The following RAB40B variants were observed in gnomAD, a reference collection of about 807,000 sequenced individuals.
RAB40B encodes RAB40B, member RAS oncogene family, also known as ras-related protein Rab-40B.
Under a neutral mutation model 24.0 loss-of-function variants are expected in RAB40B, and 21 were observed. The observed-to-expected ratio is 0.88, with a 90% CI of 0.62 to 1.26. The LOEUF (loss-of-function observed/expected upper bound fraction) is 1.26, where lower values mean the gene tolerates loss of function less well. Among genes scored for constraint, RAB40B ranks in the 50% most tolerant of loss-of-function variants. The pLI, the probability that RAB40B is intolerant of heterozygous loss-of-function variation, is 0.00. For missense variants in RAB40B, 348 were observed against 390.5 expected (o/e 0.89, Z 0.92); for synonymous variants, 167 against 169.8 (o/e 0.98, Z 0.13).
chr17:82,659,425 A>C, intron 4 of RAB40B, 155 bp downstream of exon 4: 1 of 657,824 alleles, frequency 1.5e-6, no homozygotes, highest in Non-Finnish European at 2.7e-6. Context: ...TGTTGTGCCG[A>C]GGTGAGGCAC....
In RAB40B at chr17:82,655,155, C is replaced by A. The variant is rs2046078755; in HGVS notation, c.*2708G>T. 6.6e-6 allele frequency: 1 copy of A among 152,144 alleles called. No individual in the cohort carries two copies. The highest frequency in any genetic ancestry group is 2.1e-4 in the South Asian group (1 of 4,814). 9.4% of individuals were successfully genotyped at this position (152,144 alleles called of 1,614,324 possible). A position where few individuals can be genotyped will look rare whatever the true frequency, so the allele number is the denominator to read the frequency against. On this transcript the variant is annotated 3_prime_UTR_variant, in exon 6 of 6. Transcript: ENST00000571995. ...TTCCTGAGGCTGCCGTAACAATCGC[C>A]ACAAACCTGGTGACTTAAATAACAA...
chr17:82,664,316 G>A (rs2143469357), intron 2 of RAB40B, among the ~76,000 whole-genome samples, 180 bp downstream of exon 2: 1 of 142,254 alleles, frequency 7.0e-6, no homozygotes, highest in South Asian at 2.3e-4. Flanking sequence ...TGGTGGGGCT[G>A]GTGGTGCTCC....
Position 82,692,025 on chromosome 17 carries a change from C to T in RAB40B, c.142+6430G>A, listed in dbSNP as rs574848640. The stretch of plus-strand genomic sequence containing the variant: ...CAGTGGGGCCCGCACGGTCCGTGGG[C>T]TGAGGTGACAGGCAGAGCAGTGGGG... On this transcript the variant is annotated intron_variant, in intron 1 of 5. Transcript: ENST00000571995. This position sits in a 1 kb window ranked among gnomAD's most constrained non-coding sequence, Gnocchi z 4.0. Among the ~76,000 whole-genome samples the T allele has an allele frequency of 3.3e-4, 49 of 150,392 alleles. No homozygotes were observed. The highest frequency in any genetic ancestry group is 1.2e-3 in the African/African-American group (47 of 40,818).
Position 82,698,628 on chromosome 17 carries a change from GC to G in RAB40B, c.-33del. Reference sequence around the variant, plus strand: ...GGCCCGGCGCCCCCACCCATGCCCGGCCTGCGGGGCTGAGCGCAGAGGCGGC... The same window carrying G: ...GGCCCGGCGCCCCCACCCATGCCCGGCTGCGGGGCTGAGCGCAGAGGCGGC... On this transcript the variant is annotated 5_prime_UTR_variant, in exon 1 of 6. Transcript: ENST00000571995. The G allele has an allele frequency of 1.5e-6, 2 of 1,374,990 alleles. No homozygotes were observed. The allele number at this position is 1,374,990 out of a possible 1,614,324, so 85.2% of individuals were successfully genotyped here.
At chr17:82,664,953 G>T (rs1045684892) in intron 1 of RAB40B, 2 of 194,720 alleles carry the variant, frequency 1.0e-5, no homozygotes, top group Non-Finnish European at 2.1e-5. Flanking sequence ...TGAGAGCTCC[G>T]ACTCAGCTCT....
rs752740170 is a variant in RAB40B, at chr17:82,658,531, C to T, written c.525G>A (p.Leu175=). The T allele has an allele frequency of 3.1e-6, 5 of 1,613,170 alleles. No homozygotes were observed. Among genetic ancestry groups the T allele is most frequent in the African/African-American group, 1.3e-5 (1 of 74,926 alleles). ...AGAGCCGGTCCATCCCATGCCGCAG[C>T]AGCACGATCCTGGCCAGCTCCGTGA... ...ESFTELARIV[L]LRHGMDRLWR... is the part of the protein sequence containing the mutation. Residue 175 remains leucine (L), a synonymous_variant, in exon 5 of 6, where the codon CTG becomes CTA. Coordinates refer to ENST00000571995, the MANE Select transcript of RAB40B (RefSeq NM_006822.3).
intron 1 of RAB40B, among the ~76,000 whole-genome samples, chr17:82,668,954 C>T (rs1210513799): frequency 4.6e-5 from 7 of 152,238 alleles, no homozygotes; most frequent in Admixed American, 1.3e-4. Flanking sequence ...GTGGGGCACG[C>T]GGCGTAGCCT....
chr17:82,691,351 A>G (rs1241273059), intron 1 of RAB40B, among the ~76,000 whole-genome samples: 1 of 152,160 alleles, frequency 6.6e-6, no homozygotes, highest in Non-Finnish European at 1.5e-5. Context: ...AGGTGGTGGC[A>G]TCTGGTGTAG....
At position 82,658,153 on chromosome 17, in the gene RAB40B, A is replaced by T. The variant is rs1204450292; in HGVS notation, c.566-19T>A. The stretch of plus-strand genomic sequence containing the variant: ...CTCAGCACTTGGGAGAGAAAAGATA[A>T]ACCTTGCTTAGTGGATGTCCCCACC... On this transcript the variant is annotated intron_variant, in intron 5 of 5. Transcript: ENST00000571995. 6.2e-7 allele frequency: 1 copy of T among 1,606,078 alleles called. No individual in the cohort carries two copies. Among genetic ancestry groups the T allele is most frequent in the Non-Finnish European group, 8.5e-7 (1 of 1,175,732 alleles).
Position 82,658,053 on chromosome 17 carries a change from A to G in RAB40B, c.647T>C (p.Ile216Thr), listed in dbSNP as rs774486477. ...GGACTTGAGGTGGCTTCTTAAGGCA[A>G]TGGGGAGCGGGAGCTTGTCCACCAG... is the stretch of plus-strand genomic sequence containing the variant. ...VHLVDKLPLPIALRSHLKSFS... is the reference protein window; with the variant it reads ...VHLVDKLPLPTALRSHLKSFS... The change falls in exon 6 of 6, where the codon ATT (isoleucine) becomes ACT (threonine). Residue 216 changes from isoleucine to threonine, a missense_variant. Coordinates refer to ENST00000571995, the MANE Select transcript of RAB40B (RefSeq NM_006822.3). 1.8e-5 allele frequency: 29 copies of G among 1,614,058 alleles called. No individual in the cohort carries two copies. Among genetic ancestry groups the G allele is most frequent in the Non-Finnish European group, 2.5e-5 (29 of 1,180,038 alleles).
intron 2 of RAB40B, chr17:82,661,288 G>A (rs1225972303): frequency 8.5e-6 from 11 of 1,291,296 alleles, no homozygotes; most frequent in African/African-American, 1.5e-5. Flanking sequence ...AAATAGTGAC[G>A]GTTTTAACAT....
intron 1 of RAB40B, chr17:82,664,925 T>G: frequency 4.8e-6 from 1 of 206,756 alleles, no homozygotes; most frequent in Non-Finnish European, 9.9e-6. Flanking sequence ...CCCCACCTCC[T>G]CCCCAAGCCT....
At position 82,657,660 on chromosome 17, in the gene RAB40B, C is replaced by A. The variant is rs757259866; in HGVS notation, c.*203G>T. On this transcript the variant is annotated 3_prime_UTR_variant, in exon 6 of 6. Transcript: ENST00000571995. ...TAATTTTCCCTTTACAAACACACAT[C>A]GAAAACAAGAGCTTCATGCACATCC... is the stretch of plus-strand genomic sequence containing the variant. The A allele has an allele frequency of 4.2e-6, 3 of 716,666 alleles. No individual in the cohort carries two copies. The highest frequency in any genetic ancestry group is 2.7e-5 in the East Asian group (1 of 37,010). 44.4% of individuals were successfully genotyped at this position (716,666 alleles called of 1,614,324 possible). A position where few individuals can be genotyped will look rare whatever the true frequency, so the allele number is the denominator to read the frequency against.
chr17:82,658,838 G>C, intron 4 of RAB40B, 125 bp from the exon 5 acceptor site: 2 of 835,164 alleles, frequency 2.4e-6, no homozygotes, highest in Non-Finnish European at 3.7e-6. Flanking sequence ...CCTCAGCATG[G>C]GACCTCGTTT....
intron 1 of RAB40B, among the ~76,000 whole-genome samples, chr17:82,676,163 C>T (rs531273674): frequency 1.8e-4 from 28 of 152,300 alleles, no homozygotes; most frequent in African/African-American, 5.8e-4. Context: ...ATGTGTGCAC[C>T]TGCTGCCAGC....
chr17:82,666,452 T>C (rs1329798674), intron 1 of RAB40B, among the ~76,000 whole-genome samples: 1 of 151,384 alleles, frequency 6.6e-6, no homozygotes, highest in Non-Finnish European at 1.5e-5. Flanking sequence ...ATCATATCAG[T>C]CAGGCTGGTC....
rs1040584492 is a variant in RAB40B, at chr17:82,655,058, G to A, written c.*2805C>T. 1.3e-5 allele frequency: 2 copies of A among 152,158 alleles called. No homozygotes were observed. Among genetic ancestry groups the A allele is most frequent in the African/African-American group, 4.8e-5 (2 of 41,424 alleles). The allele number at this position is 152,158 out of a possible 1,614,324, so 9.4% of individuals were successfully genotyped here. On this transcript the variant is annotated 3_prime_UTR_variant, in exon 6 of 6. Coordinates refer to ENST00000571995, the MANE Select transcript of RAB40B (RefSeq NM_006822.3). ...CTTAGTCCGGTCTGTATTAGGTTTC[G>A]TCTGTTTTTGTTCTGCCTTGGTTTG...
intron 1 of RAB40B, among the ~76,000 whole-genome samples, chr17:82,694,739 G>C (rs2143563119): frequency 6.6e-6 from 1 of 151,858 alleles, no homozygotes. Flanking sequence ...CTGACCTCAG[G>C]CTTCCCCACA....
intron 1 of RAB40B, among the ~76,000 whole-genome samples, chr17:82,671,621 G>C (rs12950387): frequency 0.022 from 702 of 32,348 alleles, no homozygotes; most frequent in South Asian, 0.043. Context: ...CACTGACACA[G>C]CTCACCCCGT....
Sources: gnomAD v4.1 joint callset for allele counts (sites outside exome capture counted in the v4.1 genomes callset) on GRCh38, gnomAD v4.1.1 for gene constraint, Gnocchi (gnomAD v3.1) non-coding constraint, MANE v1.5 for transcripts, NCBI Gene and HGNC (gene_info 2026-07-23, HGNC 2026-07-21) for gene names.